Variants in CEP63 observed in about 807,000 individuals in gnomAD.
CEP63 encodes centrosomal protein of 63 kDa.
A neutral mutation model predicts 89.1 loss-of-function variants in CEP63; 84 were observed. The ratio of observed to expected loss-of-function variants is 0.94; its 90% confidence interval spans 0.79 to 1.13. The LOEUF is 1.13. Ranked by LOEUF, CEP63 falls within the 50% of genes most tolerant of loss-of-function variation. The pLI, the probability that CEP63 is intolerant of heterozygous loss-of-function variation, is 0.00. For missense variants in CEP63, 838 were observed against 813.3 expected, an observed-to-expected ratio of 1.03 and a Z score of -0.37; for synonymous variants, 267 against 272.5, an observed-to-expected ratio of 0.98 and a Z score of 0.20.
chr3:134,676,663 G>C, the CEP63 span, among the ~76,000 whole-genome samples: 5 of 152,168 alleles, frequency 3.3e-5, no homozygotes. Context: ...GTGAGGAATT[G>C]AGGACAGGAG....
chr3:134,501,432 T>C (rs998771036), intron 2 of CEP63, among the ~76,000 whole-genome samples: 1 of 152,232 alleles, frequency 6.6e-6, no homozygotes, highest in Non-Finnish European at 1.5e-5. Context: ...GGACGGCCGT[T>C]TTAACTGTAT....
At chr3:134,659,832 G>A in the CEP63 span, among the ~76,000 whole-genome samples, 2 of 152,344 alleles carry the variant, frequency 1.3e-5, no homozygotes, top group Admixed American at 6.5e-5. Flanking sequence ...GGTGTTCATC[G>A]TCCCAAGCAG....
intron 10 of CEP63, among the ~76,000 whole-genome samples, chr3:134,584,166 A>G (rs1460922284): frequency 1.3e-5 from 2 of 152,074 alleles, no homozygotes; most frequent in African/African-American, 2.4e-5. Context: ...AATACCCTTT[A>G]TTTCTTTCTC....
chr3:134,523,492 G>T (rs954784418), intron 3 of CEP63, among the ~76,000 whole-genome samples: 1 of 152,004 alleles, frequency 6.6e-6, no homozygotes, highest in Admixed American at 6.6e-5. Context: ...GCATTGCTGG[G>T]GTTGTCTTCC....
chr3:134,777,718 A>G, the CEP63 span, among the ~76,000 whole-genome samples: 6,019 of 147,538 alleles, frequency 0.041, 370 homozygotes, highest in African/African-American at 0.14. Flanking sequence ...GGTTCAAGCA[A>G]TTCTCCTGCC....
chr3:134,617,020 G>C, the CEP63 span, among the ~76,000 whole-genome samples: 2 of 152,142 alleles, frequency 1.3e-5, no homozygotes, highest in Non-Finnish European at 1.5e-5. Flanking sequence ...TAAAAACTGG[G>C]AGCCAGGTCT....
chr3:134,781,682 A>G, the CEP63 span, among the ~76,000 whole-genome samples: 13 of 152,254 alleles, frequency 8.5e-5, no homozygotes, highest in Non-Finnish European at 1.5e-4. Flanking sequence ...TTGTTAAAAA[A>G]TTACTTATTC....
At chr3:134,597,351 C>A in the CEP63 span, among the ~76,000 whole-genome samples, 1 of 152,212 alleles carries the variant, frequency 6.6e-6, no homozygotes, top group East Asian at 1.9e-4. Flanking sequence ...CTTCCACAAA[C>A]CATCTTGTGA....
Position 134,564,692 on chromosome 3 carries a change from A to C in CEP63, c.*3157A>C. 1.0e-6 allele frequency: 1 copy of C among 985,434 alleles called. No homozygotes were observed. Among genetic ancestry groups the C allele is most frequent in the Non-Finnish European group, 1.2e-6 (1 of 829,912 alleles). The allele number at this position is 985,434 out of a possible 1,614,324, so 61.0% of individuals were successfully genotyped here. A position where few individuals can be genotyped will look rare whatever the true frequency, so the allele number is the denominator to read the frequency against. ...ATATTTGAAAGGGCTTTGCAGTTTT[A>C]AGTACTGTACCTATGTGCATTGCTG... On this transcript the variant is annotated 3_prime_UTR_variant, in exon 15 of 15. Transcript: ENST00000675561.
the CEP63 span, among the ~76,000 whole-genome samples, chr3:134,621,947 T>G: frequency 2.8e-4 from 42 of 152,076 alleles, no homozygotes; most frequent in Admixed American, 9.8e-4. Context: ...AAATGGCCAA[T>G]AAGCACATAA....
At chr3:134,723,068 GTGGCA>G in the CEP63 span, among the ~76,000 whole-genome samples, 1 of 152,194 alleles carries the variant, frequency 6.6e-6, no homozygotes, top group Non-Finnish European at 1.5e-5. Flanking sequence ...TGTGTTGTCT[GTGGCA>G]CTTCCAGTTA....
chr3:134,703,943 C>T, the CEP63 span, among the ~76,000 whole-genome samples: 1 of 152,216 alleles, frequency 6.6e-6, no homozygotes, highest in Non-Finnish European at 1.5e-5. Flanking sequence ...GGCTGCTCTC[C>T]TGCTCAAATT....
intron 3 of CEP63, among the ~76,000 whole-genome samples, chr3:134,528,861 T>G (rs1949281804): frequency 6.6e-6 from 1 of 152,226 alleles, no homozygotes; most frequent in African/African-American, 2.4e-5. Flanking sequence ...ATACGAATAG[T>G]TAAGACTCTT....
intron 8 of CEP63, 53 bp from the exon 9 acceptor site, chr3:134,547,281 TA>T: frequency 1.9e-6 from 3 of 1,546,838 alleles, no homozygotes; most frequent in Non-Finnish European, 1.8e-6. Context: ...AGATGAGCAT[TA>T]TTTTTGTTTG....
the CEP63 span, among the ~76,000 whole-genome samples, chr3:134,653,079 G>A: frequency 6.6e-6 from 1 of 152,198 alleles, no homozygotes; most frequent in Non-Finnish European, 1.5e-5. Flanking sequence ...GCTGCCAGGG[G>A]TCTGGGGAAA....
intron 13 of CEP63, 67 bp downstream of exon 13, chr3:134,558,414 T>C (rs1956694286): frequency 1.8e-6 from 2 of 1,123,312 alleles, no homozygotes; most frequent in Admixed American, 2.0e-5. Context: ...TCTTTGAGAA[T>C]AATTTTTGAC....
the CEP63 span, among the ~76,000 whole-genome samples, chr3:134,677,786 C>T: frequency 1.3e-5 from 2 of 152,034 alleles, no homozygotes; most frequent in Non-Finnish European, 2.9e-5. Context: ...TTTGGAAGCA[C>T]CCCCATGGAC....
At chr3:134,629,544 G>A in the CEP63 span, 1 of 1,117,938 alleles carries the variant, frequency 8.9e-7, no homozygotes, top group Non-Finnish European at 1.3e-6. Flanking sequence ...AAGATGCTTG[G>A]GCTGGGATCT....
At chr3:134,621,791 G>T in the CEP63 span, among the ~76,000 whole-genome samples, 2 of 152,106 alleles carry the variant, frequency 1.3e-5, no homozygotes, top group African/African-American at 4.8e-5. Context: ...CTTACAAAAT[G>T]AGAGAAAACA....
Sources: gnomAD v4.1 joint callset for allele counts (sites outside exome capture counted in the v4.1 genomes callset) on GRCh38, gnomAD v4.1.1 for gene constraint, MANE v1.5 for transcripts, NCBI Gene and HGNC (gene_info 2026-07-23, HGNC 2026-07-21) for gene names.